Variants in UNC13C observed in about 807,000 individuals in gnomAD.
UNC13C encodes the protein unc-13 homolog C, also known as protein unc-13 homolog C.
In UNC13C, 174 loss-of-function variants were observed where a neutral mutation model predicts 245.4. The observed-to-expected ratio is 0.71, with a 90% confidence interval of 0.63 to 0.80. UNC13C has a LOEUF of 0.80. UNC13C is among the 30% of genes least tolerant of loss of function. The pLI is 0.00. For missense variants in UNC13C, 2,829 were observed against 2,602.9 expected, an observed-to-expected ratio of 1.09 and a Z score of -1.89; for synonymous variants, 992 against 895.1, an observed-to-expected ratio of 1.11 and a Z score of -1.93.
intron 2 of UNC13C, among the ~76,000 whole-genome samples, chr15:54,077,472 A>G (rs1196472154): frequency 7.7e-5 from 10 of 129,362 alleles, no homozygotes; most frequent in African/African-American, 2.9e-4. Flanking sequence ...TCTGCCTCCC[A>G]GGTTCAAGGG....
intron 16 of UNC13C, 31 bp from the exon 17 acceptor site, chr15:54,338,330 A>AGG: frequency 1.9e-6 from 3 of 1,598,730 alleles, no homozygotes; most frequent in Non-Finnish European, 2.6e-6. Context: ...TCACTGTTGC[A>AGG]TTTGAGAAAA....
chr15:54,529,876 A>G (rs1330124762), intron 25 of UNC13C, among the ~76,000 whole-genome samples: 1 of 150,060 alleles, frequency 6.7e-6, no homozygotes, highest in Non-Finnish European at 1.5e-5. Context: ...CACATTTGTT[A>G]TTATTACTCC....
chr15:54,095,137 T>G (rs545137344), intron 2 of UNC13C, among the ~76,000 whole-genome samples: 1 of 152,308 alleles, frequency 6.6e-6, no homozygotes, highest in Non-Finnish European at 1.5e-5. Flanking sequence ...GAAGCCTCAC[T>G]ACAGAACACC....
At chr15:54,051,184 C>A (rs1044445246) in intron 2 of UNC13C, among the ~76,000 whole-genome samples, 5 of 152,058 alleles carry the variant, frequency 3.3e-5, no homozygotes, top group Non-Finnish European at 7.4e-5. Flanking sequence ...AAGGTTTTCC[C>A]CACACTCAGG....
At chr15:54,560,574 C>G (rs564378576) in intron 29 of UNC13C, among the ~76,000 whole-genome samples, 2 of 151,818 alleles carry the variant, frequency 1.3e-5, no homozygotes, top group African/African-American at 4.8e-5. Flanking sequence ...TTCCTACCCC[C>G]GCGGTGATAA....
chr15:54,508,404 AT>A (rs1463835498), intron 23 of UNC13C, among the ~76,000 whole-genome samples: 1 of 152,110 alleles, frequency 6.6e-6, no homozygotes, highest in African/African-American at 2.4e-5. Context: ...ATGTATTAAC[AT>A]TCTATATTAT....
At chr15:54,478,832 T>G in intron 19 of UNC13C, among the ~76,000 whole-genome samples, 1 of 152,142 alleles carries the variant, frequency 6.6e-6, no homozygotes, top group Non-Finnish European at 1.5e-5. Context: ...TAGGTCCGCT[T>G]GGTGCAGAGC....
At chr15:54,310,620 G>C (rs906845228) in intron 13 of UNC13C, among the ~76,000 whole-genome samples, 1 of 151,682 alleles carries the variant, frequency 6.6e-6, no homozygotes, top group Non-Finnish European at 1.5e-5. Context: ...GAATCTAGAA[G>C]TGATGAAGTC....
At chr15:54,323,364 A>T (rs552705761) in intron 14 of UNC13C, among the ~76,000 whole-genome samples, 18 of 152,118 alleles carry the variant, frequency 1.2e-4, no homozygotes, top group African/African-American at 4.3e-4. Flanking sequence ...AGTAAAGGAG[A>T]CTACTCTTTG....
intron 8 of UNC13C, among the ~76,000 whole-genome samples, chr15:54,255,866 C>T (rs1359901770): frequency 6.6e-6 from 1 of 152,086 alleles, no homozygotes; most frequent in African/African-American, 2.4e-5. Flanking sequence ...TTCAACAACA[C>T]TAAAAGGGAA....
chr15:54,592,499 T>C (rs1442587987), intron 30 of UNC13C, among the ~76,000 whole-genome samples: 1 of 152,228 alleles, frequency 6.6e-6, no homozygotes, highest in Non-Finnish European at 1.5e-5. Context: ...TATATATGTT[T>C]AGGATTGTGA....
intron 19 of UNC13C, among the ~76,000 whole-genome samples, chr15:54,485,988 A>G (rs576766406): frequency 2.0e-4 from 31 of 152,182 alleles, no homozygotes; most frequent in Middle Eastern, 3.4e-3. Flanking sequence ...TTTCCAGAAC[A>G]CATACCTCAC....
At chr15:53,860,837 G>C in the UNC13C span, among the ~76,000 whole-genome samples, 1 of 152,072 alleles carries the variant, frequency 6.6e-6, no homozygotes. Context: ...AGGTCATCTG[G>C]ACAATGTGCT....
chr15:53,938,852 C>A, the UNC13C span, among the ~76,000 whole-genome samples: 18 of 152,172 alleles, frequency 1.2e-4, no homozygotes, highest in Non-Finnish European at 2.6e-4. Context: ...AACTAAAGCA[C>A]TGTTAAGAGG....
chr15:54,351,127 T>C (rs891792563), intron 17 of UNC13C, among the ~76,000 whole-genome samples: 1 of 152,132 alleles, frequency 6.6e-6, no homozygotes, highest in Non-Finnish European at 1.5e-5. Flanking sequence ...TCCTGAAAAG[T>C]CCAGTAAACA....
intron 19 of UNC13C, among the ~76,000 whole-genome samples, chr15:54,486,424 G>A (rs374940195): frequency 1.6e-4 from 24 of 147,674 alleles, no homozygotes; most frequent in African/African-American, 6.0e-4. Flanking sequence ...GGGTGACAGA[G>A]CAAGACTCCA....
intron 4 of UNC13C, among the ~76,000 whole-genome samples, chr15:54,226,721 C>T (rs2035395430): frequency 6.6e-6 from 1 of 152,210 alleles, no homozygotes. Context: ...GGGCAGGCAG[C>T]TCCAGGCACC....
intron 10 of UNC13C, among the ~76,000 whole-genome samples, chr15:54,283,104 A>G (rs1317860184): frequency 4.6e-5 from 7 of 152,194 alleles, no homozygotes; most frequent in Non-Finnish European, 1.5e-5. Flanking sequence ...AAACAGGAAG[A>G]CAAGTTCTGA....
At chr15:53,994,813 A>T (rs1019623754) in intron 1 of UNC13C, among the ~76,000 whole-genome samples, 2 of 152,108 alleles carry the variant, frequency 1.3e-5, no homozygotes, top group Non-Finnish European at 2.9e-5. Context: ...AAAATGTTTA[A>T]TATTTTTAGT....
Sources: gnomAD v4.1 joint callset for allele counts (sites outside exome capture counted in the v4.1 genomes callset) on GRCh38, gnomAD v4.1.1 for gene constraint, MANE v1.5 for transcripts, NCBI Gene and HGNC (gene_info 2026-07-23, HGNC 2026-07-21) for gene names.